Variants in TRHDE observed in about 807,000 individuals in gnomAD.
TRHDE encodes the protein thyrotropin releasing hormone degrading enzyme.
TRHDE carries 72 observed loss-of-function variants against 125.7 expected under a neutral mutation model. The ratio of observed to expected loss-of-function variants is 0.57; its 90% CI spans 0.47 to 0.70. The LOEUF (loss-of-function observed/expected upper bound fraction) is 0.70, where lower values mean the gene tolerates loss of function less well. Ranked by LOEUF, TRHDE falls within the 30% of genes least tolerant of loss-of-function variation. The pLI is 0.00. For missense variants in TRHDE, 1,110 were observed against 1,327.1 expected, an observed-to-expected ratio of 0.84 and a Z score of 2.54; for synonymous variants, 509 against 509.1, an observed-to-expected ratio of 1.00 and a Z score of 0.00.
At chr12:72,243,874 TTG>T (rs1202381808) in intron 2 of TRHDE, among the ~76,000 whole-genome samples, 1 of 152,192 alleles carries the variant, frequency 6.6e-6, no homozygotes, top group Non-Finnish European at 1.5e-5. Flanking sequence ...CCTGGAATTA[TTG>T]TAGAAAATAT....
At chr12:72,196,982 A>G (rs1462552994) in intron 2 of TRHDE, among the ~76,000 whole-genome samples, 1 of 152,044 alleles carries the variant, frequency 6.6e-6, no homozygotes, top group East Asian at 1.9e-4. Flanking sequence ...AGTCACCATT[A>G]TTATTTTATT....
At chr12:72,650,874 A>G (rs1277038423) in intron 15 of TRHDE, among the ~76,000 whole-genome samples, 2 of 152,094 alleles carry the variant, frequency 1.3e-5, no homozygotes, top group Admixed American at 6.6e-5. Flanking sequence ...CACATCCTTC[A>G]AAATGTGGTG....
intron 2 of TRHDE, among the ~76,000 whole-genome samples, chr12:72,265,349 T>A (rs749171175): frequency 1.3e-5 from 2 of 151,924 alleles, no homozygotes; most frequent in Non-Finnish European, 2.9e-5. Flanking sequence ...TCTGAGCCTG[T>A]ATAGGGATGT....
chr12:72,455,471 T>C (rs1239758063), intron 3 of TRHDE, among the ~76,000 whole-genome samples: 1 of 152,182 alleles, frequency 6.6e-6, no homozygotes, highest in Non-Finnish European at 1.5e-5. Flanking sequence ...GGTTATTTAA[T>C]GTATTTTATA....
At chr12:72,420,055 A>G (rs1228693186) in intron 3 of TRHDE, among the ~76,000 whole-genome samples, 1 of 152,202 alleles carries the variant, frequency 6.6e-6, no homozygotes, top group African/African-American at 2.4e-5. Flanking sequence ...GGTTTTCATC[A>G]TGAATATAAC....
In TRHDE at chr12:72,653,181, A is replaced by G. The variant is rs201378156; in HGVS notation, c.2984+25A>G. 3 of 1,594,538 alleles carry G rather than the reference A, an allele frequency of 1.9e-6. No individual in the cohort carries two copies. The African/African-American group carries it at 4.0e-5, about 22-fold the overall frequency. On this transcript the variant is annotated intron_variant, in intron 17 of 18. Transcript: ENST00000261180. ...GGTAGAAATTAGAATTCTTACTTGA[A>G]TGAGTAAATTAAAGCCGACATAGGA...
chr12:72,121,442 C>T (rs965824568), intron 2 of TRHDE, among the ~76,000 whole-genome samples: 4 of 152,154 alleles, frequency 2.6e-5, no homozygotes, highest in Non-Finnish European at 4.4e-5. Context: ...CTAATTGCTT[C>T]CTCTGTGGGT....
At chr12:72,217,007 T>C (rs1877907340) in intron 2 of TRHDE, among the ~76,000 whole-genome samples, 1 of 152,108 alleles carries the variant, frequency 6.6e-6, no homozygotes, top group East Asian at 1.9e-4. Context: ...AAATAAGTTG[T>C]TTATATGAGC....
chr12:72,567,603 T>G (rs1049899391), intron 9 of TRHDE, among the ~76,000 whole-genome samples: 3 of 152,030 alleles, frequency 2.0e-5, no homozygotes, highest in Admixed American at 6.6e-5. Context: ...CCCGAACATT[T>G]TTTAATTCTT....
At chr12:72,627,074 G>A (rs766130315) in intron 15 of TRHDE, among the ~76,000 whole-genome samples, 2 of 151,932 alleles carry the variant, frequency 1.3e-5, no homozygotes, top group Non-Finnish European at 2.9e-5. Context: ...GTATGGAATA[G>A]CAAAAAGAAC....
intron 2 of TRHDE, among the ~76,000 whole-genome samples, chr12:72,261,237 C>T (rs1878944172): frequency 6.6e-6 from 1 of 152,146 alleles, no homozygotes; most frequent in Non-Finnish European, 1.5e-5. Flanking sequence ...CCGGACTGGA[C>T]TCCAAAGGGT....
chr12:72,164,062 G>T (rs937887949), intron 2 of TRHDE, among the ~76,000 whole-genome samples: 23 of 152,158 alleles, frequency 1.5e-4, no homozygotes, highest in African/African-American at 4.8e-4. Flanking sequence ...AGTGAGCAGA[G>T]ATCCGCCACT....
chr12:72,438,127 G>A (rs902960748), intron 3 of TRHDE, among the ~76,000 whole-genome samples: 6 of 151,616 alleles, frequency 4.0e-5, no homozygotes, highest in Non-Finnish European at 5.9e-5. Context: ...TTATACGGCC[G>A]AATAGTATTT....
chr12:72,538,518 T>C (rs1362011168), intron 6 of TRHDE, among the ~76,000 whole-genome samples: 1 of 151,998 alleles, frequency 6.6e-6, no homozygotes, highest in Non-Finnish European at 1.5e-5. Flanking sequence ...CTATTTTTCT[T>C]ACTAAAGCCT....
intron 6 of TRHDE, among the ~76,000 whole-genome samples, chr12:72,531,055 C>T (rs972508357): frequency 6.6e-6 from 1 of 152,090 alleles, no homozygotes; most frequent in Non-Finnish European, 1.5e-5. Context: ...TTCCCCAAAG[C>T]ATTTGTACCT....
Position 72,517,097 on chromosome 12 carries a change from A to T in TRHDE, c.1722+17462A>T, listed in dbSNP as rs1370985858. On this transcript the variant is annotated intron_variant, in intron 6 of 18. Coordinates refer to ENST00000261180, the MANE Select transcript of TRHDE (RefSeq NM_013381.3). ...CAATGTTCATCAAGGATATTGGTCT[A>T]AAATTCTCTTTTTTGGTTGTGTCTC... 1.1e-4 allele frequency among the ~76,000 whole-genome samples: 16 copies of T among 151,928 alleles called. No individual in the cohort carries two copies. In the East Asian group the frequency reaches 2.5e-3, roughly 24 times the overall value.
intron 2 of TRHDE, among the ~76,000 whole-genome samples, chr12:72,244,952 A>C (rs906641313): frequency 1.3e-5 from 2 of 152,148 alleles, no homozygotes; most frequent in South Asian, 4.1e-4. Flanking sequence ...ATTTATACTT[A>C]TATTAGAATT....
chr12:72,271,867 C>A (rs575750343), upstream of TRHDE: 1 of 454,370 alleles, frequency 2.2e-6, no homozygotes, highest in African/African-American at 2.0e-5. Context: ...CACTTGTCAT[C>A]TCCGGAGGGC....
Position 72,575,532 on chromosome 12 carries a change from A to G in TRHDE, c.2311A>G (p.Ser771Gly), listed in dbSNP as rs1299565217. The stretch of plus-strand genomic sequence containing the variant: ...AGCGGGCTTGATCGATGATGCCTTC[A>G]GCCTAGCCAGGTATGTTTTCCTGTG... ...NRAGLIDDAFSLARAGYLPQN... is the reference protein window; with the variant it reads ...NRAGLIDDAFGLARAGYLPQN... The change falls in exon 12 of 19, where the codon AGC becomes GGC. Residue 771 changes from serine to glycine, a missense_variant. Physicochemically the swap from Ser to Gly is moderately conservative, Grantham distance 56. Around this residue, in one of 5 missense-constraint regions of TRHDE, gnomAD observed 527 missense variants for 651.8 expected, o/e 0.81. Coordinates refer to ENST00000261180, the MANE Select transcript of TRHDE (RefSeq NM_013381.3). 2 of 1,613,688 alleles carry G rather than the reference A, an allele frequency of 1.2e-6. No homozygotes were observed. The highest frequency in any genetic ancestry group is 1.3e-5 in the African/African-American group (1 of 75,026).
Sources: allele counts gnomAD v4.1 joint callset (sites outside exome capture counted in the v4.1 genomes callset), GRCh38; gene constraint gnomAD v4.1.1; regional missense constraint gnomAD v4.1.1; transcripts MANE v1.5; gene names NCBI Gene and HGNC (gene_info 2026-07-23, HGNC 2026-07-21).